The following DNAJC1 variants were observed in gnomAD, a reference collection of about 807,000 sequenced individuals.
DNAJC1 encodes the protein dnaJ homolog subfamily C member 1.
A neutral mutation model predicts 76.6 loss-of-function variants in DNAJC1; 58 were observed. The observed-to-expected ratio is 0.76, with a 90% CI of 0.61 to 0.94. The LOEUF is 0.94. Ranked by LOEUF, DNAJC1 falls within the 40% of genes least tolerant of loss-of-function variation. The pLI is 0.00. For synonymous variants in DNAJC1, 258 were observed against 267.9 expected, an observed-to-expected ratio of 0.96 and a Z score of 0.36; for missense variants, 689 against 677.3, an observed-to-expected ratio of 1.02 and a Z score of -0.19.
chr10:21,932,331 C>A (rs929614228), intron 1 of DNAJC1, among the ~76,000 whole-genome samples: 1 of 152,138 alleles, frequency 6.6e-6, no homozygotes, highest in Non-Finnish European at 1.5e-5. Flanking sequence ...CACAGTGAAA[C>A]CCTGTCTCCA....
At chr10:21,815,228 C>T (rs1038214325) in intron 8 of DNAJC1, among the ~76,000 whole-genome samples, 2 of 152,212 alleles carry the variant, frequency 1.3e-5, no homozygotes, top group African/African-American at 4.8e-5. Context: ...TGGCATGGAG[C>T]CACTATAGCT....
At chr10:21,882,829 A>AT (rs1308853962) in intron 7 of DNAJC1, among the ~76,000 whole-genome samples, 2 of 152,184 alleles carry the variant, frequency 1.3e-5, no homozygotes, top group African/African-American at 4.8e-5. Flanking sequence ...TTTCTCATCT[A>AT]TAAAAAAAAC....
chr10:21,961,344 T>C (rs1837787586), intron 1 of DNAJC1, among the ~76,000 whole-genome samples: 1 of 152,202 alleles, frequency 6.6e-6, no homozygotes, highest in African/African-American at 2.4e-5. Flanking sequence ...AACAGATAAA[T>C]GGATAAACAA....
chr10:21,959,800 C>CAAAAAAAAA (rs199556961), intron 1 of DNAJC1, among the ~76,000 whole-genome samples: 2 of 138,912 alleles, frequency 1.4e-5, no homozygotes, highest in African/African-American at 2.7e-5. Flanking sequence ...AAAACAAAAA[C>CAAAAAAAAA]AAAAAAAAAA....
intron 9 of DNAJC1, among the ~76,000 whole-genome samples, chr10:21,793,071 C>T (rs1477052659): frequency 6.6e-6 from 1 of 151,940 alleles, no homozygotes; most frequent in Non-Finnish European, 1.5e-5. Context: ...TTTGGGAGGC[C>T]AAGGAGGGCA....
intron 3 of DNAJC1, among the ~76,000 whole-genome samples, chr10:21,922,575 C>T (rs1440871524): frequency 1.3e-5 from 2 of 151,862 alleles, no homozygotes; most frequent in Admixed American, 6.6e-5. Flanking sequence ...ATATTAACAT[C>T]AAGATATAAT....
At chr10:21,841,043 T>C (rs1835565995) in intron 8 of DNAJC1, among the ~76,000 whole-genome samples, 1 of 152,222 alleles carries the variant, frequency 6.6e-6, no homozygotes, top group Admixed American at 6.5e-5. Flanking sequence ...GAAAACTGGC[T>C]AGCCATATGT....
At chr10:21,905,214 A>C (rs1413916031) in intron 6 of DNAJC1, among the ~76,000 whole-genome samples, 2 of 151,874 alleles carry the variant, frequency 1.3e-5, no homozygotes, top group African/African-American at 2.4e-5. Flanking sequence ...ACAGTGACTG[A>C]AGTCTCAATG....
At chr10:21,775,104 T>C (rs1312045731) in intron 9 of DNAJC1, among the ~76,000 whole-genome samples, 2 of 152,166 alleles carry the variant, frequency 1.3e-5, no homozygotes, top group African/African-American at 4.8e-5. Context: ...ATCATTATTG[T>C]CAAATAATGG....
intron 8 of DNAJC1, among the ~76,000 whole-genome samples, chr10:21,850,965 A>T (rs925977707): frequency 2.0e-5 from 3 of 152,226 alleles, no homozygotes; most frequent in Non-Finnish European, 4.4e-5. Context: ...CTATACATAC[A>T]GAATGAAGCA....
intron 8 of DNAJC1, among the ~76,000 whole-genome samples, chr10:21,836,991 G>A (rs1171608251): frequency 1.3e-5 from 2 of 152,130 alleles, no homozygotes; most frequent in African/African-American, 4.8e-5. Context: ...CTGCCATCTC[G>A]GCTCACTGCA....
At position 21,919,949 on chromosome 10, in the gene DNAJC1, T is replaced by G; in HGVS notation, c.538-20A>C. 6.8e-7 allele frequency: 1 copy of G among 1,478,908 alleles called. No individual in the cohort carries two copies. Among genetic ancestry groups the G allele is most frequent in the Non-Finnish European group, 9.3e-7 (1 of 1,076,732 alleles). 91.6% of individuals were successfully genotyped at this position (1,478,908 alleles called of 1,614,324 possible). A position where few individuals can be genotyped will look rare whatever the true frequency, so the allele number is the denominator to read the frequency against. On this transcript the variant is annotated intron_variant, in intron 4 of 11. Transcript: ENST00000376980. The stretch of plus-strand genomic sequence containing the variant: ...TTCATCCTTAATGTGGAAAGAATTA[T>G]GGTTACAGGTTATCATTAACATGTA...
intron 10 of DNAJC1, among the ~76,000 whole-genome samples, chr10:21,761,250 C>A (rs1834236835): frequency 6.6e-6 from 1 of 152,018 alleles, no homozygotes. Flanking sequence ...TTATAGTAGG[C>A]TTTTATTTAA....
intron 7 of DNAJC1, among the ~76,000 whole-genome samples, chr10:21,886,776 C>T (rs775554386): frequency 9.2e-5 from 14 of 152,048 alleles, no homozygotes; most frequent in Non-Finnish European, 1.8e-4. Flanking sequence ...TTCAACACCC[C>T]TTTATGTTAA....
intron 7 of DNAJC1, among the ~76,000 whole-genome samples, chr10:21,903,257 T>C (rs1836688010): frequency 6.6e-6 from 1 of 152,200 alleles, no homozygotes; most frequent in South Asian, 2.1e-4. Flanking sequence ...ATTTTTCTTC[T>C]CCTTGTGATT....
At chr10:21,829,811 T>C (rs1835327429) in intron 8 of DNAJC1, among the ~76,000 whole-genome samples, 1 of 152,380 alleles carries the variant, frequency 6.6e-6, no homozygotes, top group East Asian at 1.9e-4. Flanking sequence ...TTTGGATTTA[T>C]TCCTTATCTT....
At position 22,003,225 on chromosome 10, in the gene DNAJC1, G is replaced by A; in HGVS notation, c.210C>T (p.Leu70=). The A allele has an allele frequency of 6.4e-7, 1 of 1,557,398 alleles. No individual in the cohort carries two copies. Among genetic ancestry groups the A allele is most frequent in the East Asian group, 2.6e-5 (1 of 38,700 alleles). The change falls in exon 1 of 12, where the codon CTC becomes CTT. Residue 70 remains leucine (L), a synonymous_variant. Coordinates refer to ENST00000376980, the MANE Select transcript of DNAJC1 (RefSeq NM_022365.4). The part of the protein sequence containing the change: ...EEVQLNFYQF[L]GVQQDASSAD... ...CCTCCTTGCTTACCTGCTGCACCCCGAGGAACTGGTAGAAGTTGAGCTGCA... is the reference window on the plus strand; with the variant it reads ...CCTCCTTGCTTACCTGCTGCACCCCAAGGAACTGGTAGAAGTTGAGCTGCA...
chr10:21,943,120 T>C (rs963409112), intron 1 of DNAJC1, among the ~76,000 whole-genome samples: 1 of 151,754 alleles, frequency 6.6e-6, no homozygotes, highest in East Asian at 1.9e-4. Flanking sequence ...TCAAAATCTA[T>C]GAGAAATGAA....
intron 8 of DNAJC1, among the ~76,000 whole-genome samples, chr10:21,827,403 G>A (rs886884228): frequency 1.3e-5 from 2 of 151,906 alleles, no homozygotes; most frequent in Non-Finnish European, 2.9e-5. Flanking sequence ...CATTTCCTAG[G>A]GCTGCCATAA....
Sources: allele counts gnomAD v4.1 joint callset (sites outside exome capture counted in the v4.1 genomes callset), GRCh38; gene constraint gnomAD v4.1.1; transcripts MANE v1.5; gene names NCBI Gene and HGNC (gene_info 2026-07-23, HGNC 2026-07-21).